Variants in STOX2 observed in about 807,000 individuals in gnomAD.
STOX2 encodes storkhead box 2, also known as storkhead-box protein 2.
STOX2 carries 28 observed loss-of-function variants against 60.9 expected under a neutral mutation model. That is an observed-to-expected ratio of 0.46 (90% CI 0.34 to 0.63). STOX2 has a LOEUF of 0.63. STOX2 is among the 30% of genes least tolerant of loss of function. STOX2 has a pLI of 0.01. For missense variants in STOX2, 1,024 were observed against 1,187.7 expected (o/e 0.86, Z 2.03); for synonymous variants, 472 against 463.9 (o/e 1.02, Z -0.22).
intron 1 of STOX2, among the ~76,000 whole-genome samples, chr4:183,986,301 G>A (rs2111194445): frequency 6.6e-6 from 1 of 152,342 alleles, no homozygotes; most frequent in East Asian, 1.9e-4. Flanking sequence ...CTGTTAAAAA[G>A]TGCATCAGTA....
intron 1 of STOX2, among the ~76,000 whole-genome samples, chr4:183,978,112 A>G (rs1205148292): frequency 2.0e-5 from 3 of 151,964 alleles, no homozygotes; most frequent in African/African-American, 7.3e-5. Flanking sequence ...GTTAAGTCCC[A>G]TTTGTCTTTT....
chr4:183,984,303 C>G (rs937214040), intron 1 of STOX2, among the ~76,000 whole-genome samples: 1 of 152,196 alleles, frequency 6.6e-6, no homozygotes, highest in Non-Finnish European at 1.5e-5. Flanking sequence ...CTGACTGTTT[C>G]GACCCCGGTT....
intron 1 of STOX2, among the ~76,000 whole-genome samples, chr4:183,815,595 A>T (rs906802966): frequency 6.6e-6 from 1 of 152,222 alleles, no homozygotes; most frequent in Non-Finnish European, 1.5e-5. Flanking sequence ...GAAAACTATA[A>T]TTGCAGAACA....
intron 1 of STOX2, among the ~76,000 whole-genome samples, chr4:183,997,308 C>T (rs993849968): frequency 5.3e-5 from 8 of 152,128 alleles, no homozygotes; most frequent in African/African-American, 1.9e-4. Context: ...ATACAAAGGC[C>T]CTGAGTTGAG....
In STOX2 at chr4:184,020,287, C is replaced by A. The variant is rs756055311; in HGVS notation, c.*3003C>A. 1.3e-5 allele frequency: 2 copies of A among 152,130 alleles called. No individual in the cohort carries two copies. The highest frequency in any genetic ancestry group is 1.5e-5 in the Non-Finnish European group (1 of 68,040). The allele number at this position is 152,130 out of a possible 1,614,324, so 9.4% of individuals were successfully genotyped here. ...CCGCTGTTTGGCTTTCAGATGTAATCCTGTCTTCTCCTCTCTTCCCCACGA... is the reference window on the plus strand; with the variant it reads ...CCGCTGTTTGGCTTTCAGATGTAATACTGTCTTCTCCTCTCTTCCCCACGA... On this transcript the variant is annotated 3_prime_UTR_variant, in exon 4 of 4. Coordinates refer to ENST00000308497, the MANE Select transcript of STOX2 (RefSeq NM_020225.3).
At chr4:183,950,894 G>A (rs1743049830) in intron 1 of STOX2, among the ~76,000 whole-genome samples, 2 of 152,110 alleles carry the variant, frequency 1.3e-5, no homozygotes, top group East Asian at 1.9e-4. Flanking sequence ...CACAACCCAC[G>A]TCATGAAGTC....
intron 1 of STOX2, among the ~76,000 whole-genome samples, chr4:183,959,507 A>G (rs1743352623): frequency 6.6e-6 from 1 of 152,158 alleles, no homozygotes; most frequent in African/African-American, 2.4e-5. Context: ...CATTTTGGTG[A>G]TCAAATCTAA....
At chr4:183,842,189 G>A (rs1739877940) in intron 1 of STOX2, among the ~76,000 whole-genome samples, 1 of 152,210 alleles carries the variant, frequency 6.6e-6, no homozygotes, top group Admixed American at 6.5e-5. Context: ...CAGGCATTCA[G>A]CAAAACTCAG....
chr4:183,874,970 TATATATATATATATATATATATAA>T (rs1740792792), intron 1 of STOX2, among the ~76,000 whole-genome samples: 1 of 95,640 alleles, frequency 1.0e-5, no homozygotes, highest in African/African-American at 4.2e-5. Flanking sequence ...TATATATATA[TATATATATATATATATATATATAA>T]AACTTAGAAT....
chr4:183,842,065 A>G (rs1191002722), intron 1 of STOX2, among the ~76,000 whole-genome samples: 1 of 152,214 alleles, frequency 6.6e-6, no homozygotes, highest in Non-Finnish European at 1.5e-5. Flanking sequence ...TTTCATGCTC[A>G]TTGCCACATA....
At chr4:183,963,833 T>C (rs1288387527) in intron 1 of STOX2, among the ~76,000 whole-genome samples, 15 of 151,354 alleles carry the variant, frequency 9.9e-5, no homozygotes, top group Admixed American at 2.6e-4. Context: ...TGGAGTGCAG[T>C]GGCATGATCT....
chr4:183,947,088 G>A (rs998035756), intron 1 of STOX2, among the ~76,000 whole-genome samples: 21 of 151,854 alleles, frequency 1.4e-4, no homozygotes, highest in Admixed American at 1.4e-3. Flanking sequence ...GTGGGGGGTG[G>A]GGCAAGGGGG....
At chr4:183,813,670 A>G (rs776447575) in intron 1 of STOX2, among the ~76,000 whole-genome samples, 1 of 152,194 alleles carries the variant, frequency 6.6e-6, no homozygotes, top group Non-Finnish European at 1.5e-5. Context: ...GGTGGAGACT[A>G]TAAACTTCAG....
At chr4:183,853,645 A>G (rs1267426801) in intron 1 of STOX2, 1 of 152,228 alleles carries the variant, frequency 6.6e-6, no homozygotes, top group African/African-American at 2.4e-5. Flanking sequence ...AACTCGAAAT[A>G]GTGAATGTAA....
chr4:183,951,166 G>T (rs892097483), intron 1 of STOX2, among the ~76,000 whole-genome samples: 9 of 148,974 alleles, frequency 6.0e-5, no homozygotes, highest in African/African-American at 1.7e-4. Flanking sequence ...AGTGAGCCGA[G>T]ATCGCGCCAC....
At chr4:183,911,521 ATTC>A (rs1222858527) in intron 1 of STOX2, among the ~76,000 whole-genome samples, 1 of 152,176 alleles carries the variant, frequency 6.6e-6, no homozygotes, top group African/African-American at 2.4e-5. Flanking sequence ...GAATGACTTT[ATTC>A]TTTATTTCCC....
chr4:183,818,213 C>A (rs1326829529), intron 1 of STOX2, among the ~76,000 whole-genome samples: 1 of 151,634 alleles, frequency 6.6e-6, no homozygotes, highest in Non-Finnish European at 1.5e-5. Context: ...GAACAAAGGT[C>A]TCTGGTTTTC....
At chr4:183,859,756 A>G (rs984695572) in intron 1 of STOX2, among the ~76,000 whole-genome samples, 1 of 152,244 alleles carries the variant, frequency 6.6e-6, no homozygotes, top group Non-Finnish European at 1.5e-5. Context: ...CCTGAAACCC[A>G]CATGTCACTG....
intron 1 of STOX2, among the ~76,000 whole-genome samples, chr4:183,967,175 C>T (rs1179930791): frequency 1.3e-5 from 2 of 151,942 alleles, no homozygotes; most frequent in Non-Finnish European, 2.9e-5. Flanking sequence ...CCAGCCCGAC[C>T]AACACGGAGA....
Sources: allele counts gnomAD v4.1 joint callset (sites outside exome capture counted in the v4.1 genomes callset), GRCh38; gene constraint gnomAD v4.1.1; transcripts MANE v1.5; gene names NCBI Gene and HGNC (gene_info 2026-07-23, HGNC 2026-07-21).